GDAP1L1: variants seen among roughly 807,000 people sequenced by gnomAD.
GDAP1L1 encodes the protein ganglioside-induced differentiation-associated protein 1-like 1.
Under a neutral mutation model 37.1 loss-of-function variants are expected in GDAP1L1, and 21 were observed. The observed-to-expected ratio is 0.57, with a 90% CI of 0.40 to 0.81. The LOEUF is 0.81. GDAP1L1 is among the 40% of genes least tolerant of loss of function. The pLI is 0.00. For missense variants in GDAP1L1, 362 were observed against 491.6 expected (o/e 0.74, Z 2.49); for synonymous variants, 193 against 209.1 (o/e 0.92, Z 0.67).
chr20:44,269,138 A>C (rs535903071), intron 5 of GDAP1L1, among the ~76,000 whole-genome samples: 2 of 152,296 alleles, frequency 1.3e-5, no homozygotes, highest in South Asian at 4.1e-4. Context: ...GCTCAAGATG[A>C]AATGTTCTAA....
chr20:44,267,165 C>T (rs2073772934), intron 5 of GDAP1L1, among the ~76,000 whole-genome samples: 1 of 152,166 alleles, frequency 6.6e-6, no homozygotes, highest in Non-Finnish European at 1.5e-5. Context: ...TACTGTGTGT[C>T]AGGCCCTGTT....
intron 1 of GDAP1L1, among the ~76,000 whole-genome samples, chr20:44,253,270 CAAG>C (rs1469664854): frequency 6.6e-6 from 1 of 152,156 alleles, no homozygotes; most frequent in Non-Finnish European, 1.5e-5. Context: ...AAGTTTCCAA[CAAG>C]ACCTGGCACA....
At chr20:44,258,821 C>G (rs1421934261) in intron 3 of GDAP1L1, among the ~76,000 whole-genome samples, 1 of 152,046 alleles carries the variant, frequency 6.6e-6, no homozygotes, top group African/African-American at 2.4e-5. Flanking sequence ...CTTGCTCTTT[C>G]TCTCTGTTCC....
intron 3 of GDAP1L1, among the ~76,000 whole-genome samples, chr20:44,260,075 A>C (rs1401017412): frequency 6.6e-6 from 1 of 152,216 alleles, no homozygotes; most frequent in Non-Finnish European, 1.5e-5. Context: ...GAACATATGC[A>C]CCAAGAAGTA....
At chr20:44,272,526 C>T (rs999609399) in intron 5 of GDAP1L1, among the ~76,000 whole-genome samples, 2 of 152,172 alleles carry the variant, frequency 1.3e-5, no homozygotes, top group Non-Finnish European at 2.9e-5. Flanking sequence ...CTGGGCTTTG[C>T]GGTCCTGACA....
At chr20:44,262,577 TG>T (rs957639042) in intron 3 of GDAP1L1, among the ~76,000 whole-genome samples, 1 of 152,152 alleles carries the variant, frequency 6.6e-6, no homozygotes, top group African/African-American at 2.4e-5. Context: ...CTCAGCCCCT[TG>T]TGCCCCAGGC....
At position 44,258,514 on chromosome 20, in the gene GDAP1L1, C is replaced by T; in HGVS notation, c.454C>T (p.Leu152=). The T allele has an allele frequency of 6.4e-7, 1 of 1,571,250 alleles. No homozygotes were observed. Residue 152 remains leucine (L), a synonymous_variant, in exon 3 of 6, where the codon CTG becomes TTG. Transcript: ENST00000342560. ...GCAGTACCGGGAGCTGCTGGACGCA[C>T]TGCCCATGGATGCCTACACGCATGG... ...VLQYRELLDA[L]PMDAYTHGCI...
At chr20:44,266,576 G>A (rs2073765214) in intron 5 of GDAP1L1, among the ~76,000 whole-genome samples, 1 of 152,116 alleles carries the variant, frequency 6.6e-6, no homozygotes, top group Admixed American at 6.5e-5. Flanking sequence ...GAAACCTATT[G>A]TCACACAGAG....
Position 44,263,346 on chromosome 20 carries a change from G to C in GDAP1L1, c.645+19G>C. On this transcript the variant is annotated intron_variant, in intron 4 of 5. Transcript: ENST00000342560. ...GCTCATGGTGAGTACCTCCCGGCCT[G>C]CTGAGTCCCCTTCCCTACGAGCTCT... 1 of 1,526,256 alleles carries C rather than the reference G, an allele frequency of 6.6e-7. No individual in the cohort carries two copies. The highest frequency in any genetic ancestry group is 9.1e-7 in the Non-Finnish European group (1 of 1,100,048). The allele number at this position is 1,526,256 out of a possible 1,614,324, so 94.5% of individuals were successfully genotyped here.
chr20:44,269,397 G>A (rs559718099), intron 5 of GDAP1L1, among the ~76,000 whole-genome samples: 23 of 152,308 alleles, frequency 1.5e-4, no homozygotes, highest in African/African-American at 5.5e-4. Context: ...CCTGTTTGCA[G>A]TCTCCATGGG....
intron 5 of GDAP1L1, among the ~76,000 whole-genome samples, chr20:44,275,857 C>T (rs4810417): frequency 0.29 from 44,080 of 151,918 alleles, 6,988 homozygotes; most frequent in East Asian, 0.45. Flanking sequence ...CTTTCTTAAT[C>T]CCAAATGCAA....
At chr20:44,254,715 C>A (rs1309167453) in intron 1 of GDAP1L1, among the ~76,000 whole-genome samples, 1 of 152,180 alleles carries the variant, frequency 6.6e-6, no homozygotes, top group Non-Finnish European at 1.5e-5. Flanking sequence ...GCACCATGCG[C>A]CCCACCTATA....
At position 44,264,439 on chromosome 20, in the gene GDAP1L1, C is replaced by G; in HGVS notation, c.646-6C>G. The G allele has an allele frequency of 8.1e-6, 12 of 1,487,548 alleles. No homozygotes were observed. The highest frequency in any genetic ancestry group is 9.8e-6 in the Non-Finnish European group (11 of 1,119,212). The allele number at this position is 1,487,548 out of a possible 1,614,324, so 92.1% of individuals were successfully genotyped here. A position where few individuals can be genotyped will look rare whatever the true frequency, so the allele number is the denominator to read the frequency against. ...TCAGCTTCTCTTGGCCCTGTCCTGCCCCCAGGCCAAGATCTTGGAGCATGA... is the reference window on the plus strand; with the variant it reads ...TCAGCTTCTCTTGGCCCTGTCCTGCGCCCAGGCCAAGATCTTGGAGCATGA... On this transcript the variant is annotated splice_region_variant and splice_polypyrimidine_tract_variant and intron_variant, in intron 4 of 5. Transcript: ENST00000342560.
chr20:44,279,378 T>C lies in GDAP1L1; in HGVS notation c.*78T>C, dbSNP rs2146071850. ...TCCCCGTGAGCTCTCAGTAACTCACTGTCTCATGAACACTTGGACAGCCCT... is the reference window on the plus strand; with the variant it reads ...TCCCCGTGAGCTCTCAGTAACTCACCGTCTCATGAACACTTGGACAGCCCT... On this transcript the variant is annotated 3_prime_UTR_variant, in exon 6 of 6. Coordinates refer to ENST00000342560, the MANE Select transcript of GDAP1L1 (RefSeq NM_024034.6). 3.2e-6 allele frequency: 3 copies of C among 925,936 alleles called. No individual in the cohort carries two copies. Among genetic ancestry groups the C allele is most frequent in the Non-Finnish European group, 5.2e-6 (3 of 572,546 alleles). The allele number at this position is 925,936 out of a possible 1,614,324, so 57.4% of individuals were successfully genotyped here. A position where few individuals can be genotyped will look rare whatever the true frequency, so the allele number is the denominator to read the frequency against.
chr20:44,263,891 A>G (rs1323571547), intron 4 of GDAP1L1, among the ~76,000 whole-genome samples: 1 of 152,000 alleles, frequency 6.6e-6, no homozygotes, highest in East Asian at 1.9e-4. Context: ...AAATAAATGC[A>G]GAGCACTGAA....
At chr20:44,257,988 C>T (rs1468270130) in intron 2 of GDAP1L1, among the ~76,000 whole-genome samples, 1 of 152,180 alleles carries the variant, frequency 6.6e-6, no homozygotes, top group Non-Finnish European at 1.5e-5. Flanking sequence ...ACCCCGTCCT[C>T]TCCCCTCGTA....
intron 4 of GDAP1L1, among the ~76,000 whole-genome samples, chr20:44,264,066 G>A (rs984911876): frequency 6.6e-6 from 1 of 152,188 alleles, no homozygotes; most frequent in African/African-American, 2.4e-5. Context: ...TAAGGGGCCA[G>A]CCTTTTATCC....
intron 1 of GDAP1L1, 57 bp downstream of exon 1, chr20:44,247,571 C>T (rs1254554690): frequency 7.0e-7 from 1 of 1,423,702 alleles, no homozygotes; most frequent in Non-Finnish European, 9.3e-7. Context: ...GGGAGGGGAG[C>T]CCCAGGGCTT....
At chr20:44,254,765 T>A (rs550412738) in intron 1 of GDAP1L1, among the ~76,000 whole-genome samples, 1 of 152,198 alleles carries the variant, frequency 6.6e-6, no homozygotes, top group Non-Finnish European at 1.5e-5. Flanking sequence ...AGTCTGTGAA[T>A]GAATGTTGGG....
Sources: gnomAD v4.1 joint callset for allele counts (sites outside exome capture counted in the v4.1 genomes callset) on GRCh38, gnomAD v4.1.1 for gene constraint, MANE v1.5 for transcripts, NCBI Gene and HGNC (gene_info 2026-07-23, HGNC 2026-07-21) for gene names.